Variants in GALNT14 observed in about 807,000 individuals in gnomAD.
GALNT14 encodes the protein polypeptide N-acetylgalactosaminyltransferase 14.
In GALNT14, 60 loss-of-function variants were observed where a neutral mutation model predicts 77.5. The ratio of observed to expected loss-of-function variants is 0.77; its 90% CI spans 0.63 to 0.96. The LOEUF (loss-of-function observed/expected upper bound fraction) is 0.96, where lower values mean the gene tolerates loss of function less well. GALNT14 is among the 40% of genes least tolerant of loss of function. The probability of loss-of-function intolerance (pLI) is 0.00; values close to 1 mark genes in which losing one functional copy is unlikely to be tolerated. For synonymous variants in GALNT14, 280 were observed against 281.7 expected (o/e 0.99, Z 0.06); for missense variants, 710 against 731.0 (o/e 0.97, Z 0.33).
chr2:31,048,647 C>T (rs1673642501), intron 1 of GALNT14, among the ~76,000 whole-genome samples: 1 of 139,126 alleles, frequency 7.2e-6, no homozygotes, highest in African/African-American at 2.7e-5. Context: ...ATTTCAGCAT[C>T]CTCCTATGGA....
rs554877834 is a variant in GALNT14 at position 31,133,039 on chromosome 2, T to G, written c.129+4919A>C. On this transcript the variant is annotated intron_variant, in intron 1 of 14. Coordinates refer to ENST00000349752, the MANE Select transcript of GALNT14 (RefSeq NM_024572.4). ...CTCAGAGGAAGAGGACAGCTTTGAC[T>G]CCCCATGATCTCATCTCCAACCCTA... 1.5e-3 allele frequency among the ~76,000 whole-genome samples: 228 copies of G among 151,864 alleles called. 1 individual carries two copies. The highest frequency in any genetic ancestry group is 5.3e-3 in the African/African-American group (220 of 41,374).
At chr2:31,091,177 C>G (rs1018663620) in intron 1 of GALNT14, among the ~76,000 whole-genome samples, 23 of 152,128 alleles carry the variant, frequency 1.5e-4, no homozygotes, top group African/African-American at 5.3e-4. Context: ...ATCCTACCCA[C>G]CCCCCATTTC....
chr2:31,081,064 G>A (rs1003064433), intron 1 of GALNT14, among the ~76,000 whole-genome samples: 1 of 152,172 alleles, frequency 6.6e-6, no homozygotes, highest in African/African-American at 2.4e-5. Context: ...AGAGAAGCAT[G>A]CCCCTCCCTA....
intron 1 of GALNT14, among the ~76,000 whole-genome samples, chr2:31,015,959 A>G (rs746396234): frequency 1.1e-4 from 16 of 152,224 alleles, no homozygotes; most frequent in Non-Finnish European, 2.1e-4. Flanking sequence ...CTGAGGGGGC[A>G]TGAAATCTAG....
chr2:31,079,012 T>C (rs1675990867), intron 1 of GALNT14: 1 of 1,287,838 alleles, frequency 7.8e-7, no homozygotes, highest in Non-Finnish European at 1.0e-6. Flanking sequence ...CTGCTGAAAT[T>C]GCATTCAGAA....
intron 1 of GALNT14, among the ~76,000 whole-genome samples, chr2:31,021,956 G>A (rs150741639): frequency 5.2e-4 from 79 of 152,290 alleles, no homozygotes; most frequent in Admixed American, 1.0e-3. Flanking sequence ...CACCCTGTAG[G>A]GATGTTGTCA....
intron 1 of GALNT14, among the ~76,000 whole-genome samples, chr2:31,012,551 A>G (rs1438577549): frequency 6.6e-6 from 1 of 152,178 alleles, no homozygotes; most frequent in African/African-American, 2.4e-5. Context: ...AGACAAGGGG[A>G]CAGACACAGA....
At chr2:31,033,846 C>T (rs1009976942) in intron 1 of GALNT14, among the ~76,000 whole-genome samples, 5 of 152,198 alleles carry the variant, frequency 3.3e-5, no homozygotes, top group Admixed American at 3.3e-4. Context: ...AACATTTCCA[C>T]TTGGATGTTC....
chr2:30,904,330 T>C, the GALNT14 span, among the ~76,000 whole-genome samples: 1 of 152,150 alleles, frequency 6.6e-6, no homozygotes, highest in Non-Finnish European at 1.5e-5. Flanking sequence ...TGCCAGACAG[T>C]GGGCGCAGGT....
At chr2:31,083,608 G>A (rs1306747204) in intron 1 of GALNT14, among the ~76,000 whole-genome samples, 2 of 152,162 alleles carry the variant, frequency 1.3e-5, no homozygotes, top group African/African-American at 2.4e-5. Flanking sequence ...GCGTGAGTCT[G>A]GCACAAGGCA....
intron 13 of GALNT14, 23 bp from the exon 14 acceptor site, chr2:30,912,365 G>C (rs933735980): frequency 1.2e-6 from 2 of 1,612,500 alleles, no homozygotes; most frequent in South Asian, 2.2e-5. Flanking sequence ...AGACCAGGAA[G>C]GTTTGTTCAG....
At chr2:31,082,066 T>C (rs1676183205) in intron 1 of GALNT14, among the ~76,000 whole-genome samples, 1 of 152,204 alleles carries the variant, frequency 6.6e-6, no homozygotes, top group South Asian at 2.1e-4. Flanking sequence ...CAAACTTACC[T>C]AGTTGCAAAT....
At chr2:31,071,162 G>A (rs1416075045) in intron 1 of GALNT14, among the ~76,000 whole-genome samples, 1 of 152,198 alleles carries the variant, frequency 6.6e-6, no homozygotes, top group East Asian at 1.9e-4. Flanking sequence ...TACTGCTTGG[G>A]TGATGGGTTC....
At chr2:31,042,799 C>A (rs62140629) in intron 1 of GALNT14, among the ~76,000 whole-genome samples, 49,411 of 152,048 alleles carry the variant, frequency 0.32, 8,184 homozygotes, top group East Asian at 0.46. Flanking sequence ...TCAGGCCTGG[C>A]TTATTTAATA....
At position 31,010,563 on chromosome 2, in the gene GALNT14, C is replaced by T. The variant is rs370467434; in HGVS notation, c.130-17556G>A. Among the ~76,000 whole-genome samples the T allele has an allele frequency of 4.0e-4, 61 of 152,258 alleles. No individual in the cohort carries two copies. In the East Asian group the frequency reaches 0.01, roughly 25 times the overall value. On this transcript the variant is annotated intron_variant, in intron 1 of 14. Coordinates refer to ENST00000349752, the MANE Select transcript of GALNT14 (RefSeq NM_024572.4). ...CCGGGAGGTGGAGCTTGCAGTGAGC[C>T]GGGATTGCGCCACTGCACTCCAGCC... is the stretch of plus-strand genomic sequence containing the variant.
chr2:31,078,611 T>C (rs1267889922), intron 1 of GALNT14, among the ~76,000 whole-genome samples: 15 of 152,202 alleles, frequency 9.9e-5, no homozygotes. Flanking sequence ...CCATTCACCT[T>C]GTGCTGTGCC....
intron 1 of GALNT14, among the ~76,000 whole-genome samples, chr2:31,002,293 G>T (rs1670412681): frequency 6.6e-6 from 1 of 152,084 alleles, no homozygotes. Context: ...ACCCGGGCGT[G>T]GTGATGTGCG....
rs1029453805 is a variant in GALNT14, at chr2:30,944,181, A to G, written c.827+677T>C. On this transcript the variant is annotated intron_variant, in intron 8 of 14. Transcript: ENST00000349752. ...GTCCAGTAGGTAGGACACCAAGACC[A>G]TCACTCTTGAAGCTGAGACCACAGG... 6.6e-5 allele frequency among the ~76,000 whole-genome samples: 10 copies of G among 152,170 alleles called. 1 individual carries two copies. Among genetic ancestry groups the G allele is most frequent in the Non-Finnish European group, 1.2e-4 (8 of 68,032 alleles).
intron 1 of GALNT14, among the ~76,000 whole-genome samples, chr2:31,085,833 G>A (rs1464349886): frequency 1.3e-5 from 2 of 152,240 alleles, no homozygotes; most frequent in Admixed American, 6.5e-5. Flanking sequence ...AATTTATAAA[G>A]AGAAAGGTTT....
Sources: allele counts gnomAD v4.1 joint callset (sites outside exome capture counted in the v4.1 genomes callset), GRCh38; gene constraint gnomAD v4.1.1; transcripts MANE v1.5; gene names NCBI Gene and HGNC (gene_info 2026-07-23, HGNC 2026-07-21).